Variants in TSNARE1 observed in about 807,000 individuals in gnomAD.
TSNARE1 encodes the protein t-SNARE domain-containing protein 1.
Under a neutral mutation model 62.0 loss-of-function variants are expected in TSNARE1, and 49 were observed. The ratio of observed to expected loss-of-function variants is 0.79; its 90% CI spans 0.63 to 1.00. The LOEUF (loss-of-function observed/expected upper bound fraction) is 1.00. Ranked by LOEUF, TSNARE1 falls within the 50% of genes least tolerant of loss-of-function variation. The pLI, the probability that TSNARE1 is intolerant of heterozygous loss-of-function variation, is 0.00. For synonymous variants in TSNARE1, 328 were observed against 294.4 expected (o/e 1.11, Z -1.17); for missense variants, 755 against 700.1 (o/e 1.08, Z -0.88).
At chr8:142,276,706 G>A (rs1482679022) in intron 11 of TSNARE1, 1 of 985,398 alleles carries the variant, frequency 1.0e-6, no homozygotes, top group Middle Eastern at 5.2e-4. Flanking sequence ...TCTACACCTA[G>A]CCCTGGCCCT....
intron 13 of TSNARE1, among the ~76,000 whole-genome samples, chr8:142,226,825 C>T (rs1250355987): frequency 6.6e-6 from 1 of 152,130 alleles, no homozygotes; most frequent in Non-Finnish European, 1.5e-5. Context: ...GGCTCAAAGG[C>T]CCCTTCCCTT....
intron 13 of TSNARE1, among the ~76,000 whole-genome samples, chr8:142,216,903 G>A (rs1284110512): frequency 6.6e-6 from 1 of 152,186 alleles, no homozygotes; most frequent in East Asian, 1.9e-4. Context: ...CCCCATCAGA[G>A]GGGAGATGAA....
At chr8:142,362,079 A>G (rs1835208058) in intron 1 of TSNARE1, among the ~76,000 whole-genome samples, 1 of 152,206 alleles carries the variant, frequency 6.6e-6, no homozygotes, top group Non-Finnish European at 1.5e-5. Flanking sequence ...AGGAGCCCCC[A>G]TGGATGGCCA....
chr8:142,294,548 C>A (rs905570298), intron 10 of TSNARE1, among the ~76,000 whole-genome samples: 1 of 152,182 alleles, frequency 6.6e-6, no homozygotes, highest in African/African-American at 2.4e-5. Flanking sequence ...GCCGTGGGCA[C>A]CCTGCCTCCT....
chr8:142,299,408 C>G (rs1487656780), intron 10 of TSNARE1, among the ~76,000 whole-genome samples: 1 of 152,214 alleles, frequency 6.6e-6, no homozygotes, highest in African/African-American at 2.4e-5. Context: ...CTCTGGAAAC[C>G]CAGCCTCTGG....
intron 11 of TSNARE1, among the ~76,000 whole-genome samples, chr8:142,281,388 GAC>G (rs1027967727): frequency 1.8e-4 from 28 of 152,188 alleles, no homozygotes; most frequent in African/African-American, 6.5e-4. Flanking sequence ...GAGCGGGAAA[GAC>G]ACCAAAACAC....
intron 12 of TSNARE1, chr8:142,271,270 C>T: frequency 9.6e-7 from 1 of 1,046,770 alleles, no homozygotes. Flanking sequence ...TCTCGAGGGT[C>T]CGGTTGAGGG....
chr8:142,330,660 G>A (rs902521537), intron 6 of TSNARE1, among the ~76,000 whole-genome samples: 10 of 152,212 alleles, frequency 6.6e-5, no homozygotes, highest in South Asian at 2.1e-4. Context: ...ACGTCGGGGC[G>A]GGGTGCACCT....
intron 1 of TSNARE1, among the ~76,000 whole-genome samples, chr8:142,382,321 G>C (rs1043546124): frequency 1.3e-5 from 2 of 152,296 alleles, no homozygotes; most frequent in Admixed American, 6.5e-5. Flanking sequence ...GAGAAGCACC[G>C]ATCGCTAACG....
At chr8:142,376,216 G>C (rs1316450255) in intron 1 of TSNARE1, among the ~76,000 whole-genome samples, 1 of 152,090 alleles carries the variant, frequency 6.6e-6, no homozygotes, top group African/African-American at 2.4e-5. Context: ...AAGGGACAAG[G>C]GTGTGTCTCA....
At chr8:142,328,722 C>G (rs1477540708) in intron 6 of TSNARE1, among the ~76,000 whole-genome samples, 3 of 151,598 alleles carry the variant, frequency 2.0e-5, no homozygotes, top group African/African-American at 7.3e-5. Context: ...AGAGCCCAGA[C>G]AGAAGTGCGT....
At chr8:142,342,649 G>C (rs1832736008) in intron 4 of TSNARE1, among the ~76,000 whole-genome samples, 1 of 152,208 alleles carries the variant, frequency 6.6e-6, no homozygotes, top group South Asian at 2.1e-4. Context: ...AGAGGCCTGA[G>C]TGCACGCCAT....
At position 142,323,971 on chromosome 8, in the gene TSNARE1, T is replaced by C. The variant is rs1829849232; in HGVS notation, c.894-5337A>G. On this transcript the variant is annotated intron_variant, in intron 6 of 13. Coordinates refer to ENST00000524325, the MANE Select transcript of TSNARE1 (RefSeq NM_145003.5). ...CCAACACCAGCGAGGCCCATGTCAG[T>C]GAACCTGTGACCCTCACCCGCCCTG... 3.9e-5 allele frequency among the ~76,000 whole-genome samples: 6 copies of C among 152,204 alleles called. No homozygotes were observed. The South Asian group carries it at 1.0e-3, about 26-fold the overall frequency.
At chr8:142,215,659 G>T in intron 13 of TSNARE1, among the ~76,000 whole-genome samples, 1 of 152,234 alleles carries the variant, frequency 6.6e-6, no homozygotes, top group Non-Finnish European at 1.5e-5. Context: ...AGACTGAGCC[G>T]AGAGAGGGGA....
rs1253470497 is a variant in TSNARE1, at chr8:142,217,339, GA to G, written c.*12-5027del. ...AGAAAGAAAGAAAGAAAGAAAGAAA[GA>G]AAGAAAGAAAGAAAGAAAGAAAGAA... On this transcript the variant is annotated intron_variant, in intron 13 of 13. Transcript: ENST00000524325. 3.0e-4 allele frequency among the ~76,000 whole-genome samples: 32 copies of G among 107,302 alleles called. No individual in the cohort carries two copies. The East Asian group carries it at 3.2e-3, about 11-fold the overall frequency. The allele number at this position is 107,302 out of a possible 152,430, so 70.4% of individuals were successfully genotyped here.
chr8:142,352,163 A>G (rs7835032), intron 2 of TSNARE1, among the ~76,000 whole-genome samples: 73,114 of 152,206 alleles, frequency 0.48, 20,551 homozygotes, highest in African/African-American at 0.77. Flanking sequence ...TGAGGCTTTC[A>G]TCTCCAGAGC....
chr8:142,318,044 C>T (rs1435655702), intron 7 of TSNARE1, among the ~76,000 whole-genome samples: 1 of 152,154 alleles, frequency 6.6e-6, no homozygotes, highest in Non-Finnish European at 1.5e-5. Context: ...ATGGCTGTGG[C>T]AGTGGGTATG....
intron 11 of TSNARE1, among the ~76,000 whole-genome samples, chr8:142,283,402 G>A (rs1056859496): frequency 6.6e-6 from 1 of 151,412 alleles, no homozygotes; most frequent in Non-Finnish European, 1.5e-5. Flanking sequence ...CGGGGTTAGT[G>A]TCTATCAATG....
At chr8:142,338,044 C>T (rs1832015333) in intron 4 of TSNARE1, among the ~76,000 whole-genome samples, 2 of 152,226 alleles carry the variant, frequency 1.3e-5, no homozygotes, top group Non-Finnish European at 2.9e-5. Flanking sequence ...CAGATTCCAT[C>T]TTCACACCAT....
Sources: gnomAD v4.1 joint callset for allele counts (sites outside exome capture counted in the v4.1 genomes callset) on GRCh38, gnomAD v4.1.1 for gene constraint, MANE v1.5 for transcripts, NCBI Gene and HGNC (gene_info 2026-07-23, HGNC 2026-07-21) for gene names.